RASGEF1A: variants seen among roughly 807,000 people sequenced by gnomAD.
RASGEF1A encodes the protein ras-GEF domain-containing family member 1A.
RASGEF1A carries 18 observed loss-of-function variants against 56.4 expected under a neutral mutation model. That is an observed-to-expected ratio of 0.32 (90% confidence interval 0.22 to 0.47). RASGEF1A has a LOEUF of 0.47. RASGEF1A is among the 20% of genes least tolerant of loss of function. The pLI, the probability that RASGEF1A is intolerant of heterozygous loss-of-function variation, is 1.00. For synonymous variants in RASGEF1A, 245 were observed against 242.6 expected (o/e 1.01, Z -0.09); for missense variants, 422 against 627.1 (o/e 0.67, Z 3.49).
chr10:43,260,521 T>C (rs116700654), intron 1 of RASGEF1A, among the ~76,000 whole-genome samples: 1,855 of 152,320 alleles, frequency 0.012, 42 homozygotes, highest in African/African-American at 0.042. Context: ...AGAGAGCCAC[T>C]GTGGAACCCT....
In RASGEF1A at chr10:43,196,379, G is replaced by A; in HGVS notation, c.1421+97C>T. 6.5e-7 allele frequency: 1 copy of A among 1,549,024 alleles called. No homozygotes were observed. Among genetic ancestry groups the A allele is most frequent in the Non-Finnish European group, 8.9e-7 (1 of 1,122,134 alleles). The stretch of plus-strand genomic sequence containing the variant: ...CCAGGGACCCTGGACCAGGGACGCG[G>A]CAGTGCCCAGGCTCCCTTTCCAGGA... On this transcript the variant is annotated intron_variant, in intron 12 of 12. Coordinates refer to ENST00000395810, the MANE Select transcript of RASGEF1A (RefSeq NM_145313.4). The surrounding 1 kb of genome is among the most constrained non-coding windows in gnomAD (Gnocchi z 4.6).
At chr10:43,232,007 G>T (rs946717169) in intron 1 of RASGEF1A, among the ~76,000 whole-genome samples, 1 of 152,276 alleles carries the variant, frequency 6.6e-6, no homozygotes, top group African/African-American at 2.4e-5. Flanking sequence ...GAACAAGGCT[G>T]CCTCTGACCA....
chr10:43,217,111 T>G (rs1178412585), intron 1 of RASGEF1A, among the ~76,000 whole-genome samples: 1 of 152,076 alleles, frequency 6.6e-6, no homozygotes, highest in Non-Finnish European at 1.5e-5. Flanking sequence ...TGTCACTCAC[T>G]GGCAGGGGAG....
rs115568498 is a variant in RASGEF1A, at chr10:43,255,064, C to T, written c.-7+11781G>A. 3.3e-3 allele frequency among the ~76,000 whole-genome samples: 504 copies of T among 152,272 alleles called. 1 individual carries two copies. The highest frequency in any genetic ancestry group is 0.011 in the African/African-American group (469 of 41,556). Reference sequence around the variant, plus strand: ...GGAAGTGTGGGGTTTCCAGCACCTCCGGGAAGCCCCAGCCACCACCTGGTC... The same window carrying T: ...GGAAGTGTGGGGTTTCCAGCACCTCTGGGAAGCCCCAGCCACCACCTGGTC... On this transcript the variant is annotated intron_variant, in intron 1 of 12. Coordinates refer to ENST00000395810, the MANE Select transcript of RASGEF1A (RefSeq NM_145313.4).
intron 1 of RASGEF1A, among the ~76,000 whole-genome samples, chr10:43,217,155 C>T (rs2133199368): frequency 6.6e-6 from 1 of 152,294 alleles, no homozygotes; most frequent in African/African-American, 2.4e-5. Context: ...CTGCAGAAGA[C>T]AATGGGGCCA....
At chr10:43,199,231 G>A (rs781313326) in intron 7 of RASGEF1A, 37 bp from the exon 8 acceptor site, 148 of 1,521,138 alleles carry the variant, frequency 9.7e-5, no homozygotes, top group East Asian at 2.1e-4. Flanking sequence ...TGGCGCTGCC[G>A]GGGGACAGCA....
intron 1 of RASGEF1A, among the ~76,000 whole-genome samples, chr10:43,245,016 C>A (rs1225066443): frequency 1.3e-5 from 2 of 151,302 alleles, no homozygotes; most frequent in African/African-American, 2.4e-5. Flanking sequence ...TAATGAAAAA[C>A]CAAAAATGGG....
chr10:43,252,610 G>C (rs2460555), intron 1 of RASGEF1A, among the ~76,000 whole-genome samples: 115,937 of 152,068 alleles, frequency 0.76, 44,343 homozygotes, highest in East Asian at 0.95. Context: ...GGGAGGGGAC[G>C]TGACTGTGAG....
At chr10:43,265,020 A>G (rs552977168) in intron 1 of RASGEF1A, among the ~76,000 whole-genome samples, 1 of 152,102 alleles carries the variant, frequency 6.6e-6, no homozygotes, top group Non-Finnish European at 1.5e-5. Flanking sequence ...TCCTGGCCAC[A>G]CTGTGTCCCA....
chr10:43,199,462 G>A (rs1259617423), intron 7 of RASGEF1A, among the ~76,000 whole-genome samples: 2 of 152,222 alleles, frequency 1.3e-5, no homozygotes, highest in Admixed American at 1.3e-4. Flanking sequence ...AAATGGTGCT[G>A]GGCACAAGGG....
Position 43,208,016 on chromosome 10 carries a change from G to A in RASGEF1A, c.-6-1894C>T, listed in dbSNP as rs1428892839. The A allele has an allele frequency of 5.1e-6, 5 of 978,774 alleles. No individual in the cohort carries two copies. The East Asian group carries it at 4.6e-4, about 89-fold the overall frequency. The allele number at this position is 978,774 out of a possible 1,614,324, so 60.6% of individuals were successfully genotyped here. A position where few individuals can be genotyped will look rare whatever the true frequency, so the allele number is the denominator to read the frequency against. ...CATTCACCTGTGTATCCTATCGCTG[G>A]CCCAGGGTGGCACTCAGTGACCATT... is the stretch of plus-strand genomic sequence containing the variant. On this transcript the variant is annotated intron_variant, in intron 1 of 12. Transcript: ENST00000395810.
chr10:43,216,936 T>C (rs1840144934), intron 1 of RASGEF1A, among the ~76,000 whole-genome samples: 1 of 152,100 alleles, frequency 6.6e-6, no homozygotes, highest in Non-Finnish European at 1.5e-5. Context: ...TGCGCCTCCT[T>C]TGCCGCTCAC....
intron 1 of RASGEF1A, among the ~76,000 whole-genome samples, chr10:43,230,777 C>T (rs181969773): frequency 3.1e-4 from 47 of 152,334 alleles, no homozygotes; most frequent in Admixed American, 3.1e-3. Flanking sequence ...CCAGGCCTTG[C>T]CAGAGGCCCT....
At chr10:43,232,771 G>A (rs1295962990) in intron 1 of RASGEF1A, among the ~76,000 whole-genome samples, 1 of 152,282 alleles carries the variant, frequency 6.6e-6, no homozygotes, top group Admixed American at 6.5e-5. Context: ...ACAGGCATGA[G>A]CCACCGTGCC....
At chr10:43,209,690 A>C (rs2503852) in intron 1 of RASGEF1A, among the ~76,000 whole-genome samples, 118,562 of 143,434 alleles carry the variant, frequency 0.83, 46,934 homozygotes, top group African/African-American at 0.89. Flanking sequence ...AAGCCCCCCC[A>C]CCAGGGCTAG....
chr10:43,229,559 A>G, intron 1 of RASGEF1A: 1 of 1,245,588 alleles, frequency 8.0e-7, no homozygotes, highest in Non-Finnish European at 1.1e-6. Flanking sequence ...GATGCAGGGG[A>G]CCGTCGCACC....
At chr10:43,242,784 C>T (rs1174963579) in intron 1 of RASGEF1A, among the ~76,000 whole-genome samples, 1 of 145,976 alleles carries the variant, frequency 6.9e-6, no homozygotes, top group African/African-American at 2.4e-5. Flanking sequence ...CTGCCCACCT[C>T]GGTCTCCCGA....
intron 10 of RASGEF1A, among the ~76,000 whole-genome samples, chr10:43,197,435 G>A (rs749346662): frequency 1.3e-5 from 2 of 152,170 alleles, no homozygotes; most frequent in Non-Finnish European, 1.5e-5. Flanking sequence ...GCCCAGCGGC[G>A]CCAACCAGAA....
At chr10:43,210,582 G>A (rs1298267756) in intron 1 of RASGEF1A, among the ~76,000 whole-genome samples, 1 of 152,240 alleles carries the variant, frequency 6.6e-6, no homozygotes, top group Non-Finnish European at 1.5e-5. Flanking sequence ...CTGGACAACT[G>A]ATTTAACTGG....
Sources: gnomAD v4.1 joint callset for allele counts (sites outside exome capture counted in the v4.1 genomes callset) on GRCh38, gnomAD v4.1.1 for gene constraint, Gnocchi (gnomAD v3.1) non-coding constraint, MANE v1.5 for transcripts, NCBI Gene and HGNC (gene_info 2026-07-23, HGNC 2026-07-21) for gene names.